Variants in VRK2 observed in about 807,000 individuals in gnomAD.
VRK2 encodes VRK serine/threonine kinase 2.
VRK2 carries 60 observed loss-of-function variants against 57.6 expected under a neutral mutation model. The observed-to-expected ratio is 1.04, with a 90% CI of 0.85 to 1.29. The LOEUF is 1.29. VRK2 is among the 50% of genes most tolerant of loss of function. The probability of loss-of-function intolerance (pLI) is 0.00; values close to 1 mark genes in which losing one functional copy is unlikely to be tolerated. For missense variants in VRK2, 705 were observed against 588.1 expected, an observed-to-expected ratio of 1.20 and a Z score of -2.06; for synonymous variants, 231 against 199.2, an observed-to-expected ratio of 1.16 and a Z score of -1.35.
At chr2:57,946,904 G>A (rs1431093082) in intron 1 of VRK2, among the ~76,000 whole-genome samples, 1 of 152,048 alleles carries the variant, frequency 6.6e-6, no homozygotes, top group Admixed American at 6.6e-5. Flanking sequence ...TGATCTATGA[G>A]CCAGAGGAAA....
At chr2:58,035,417 T>G (rs1370327036) in intron 3 of VRK2, among the ~76,000 whole-genome samples, 4 of 151,990 alleles carry the variant, frequency 2.6e-5, no homozygotes, top group South Asian at 4.1e-4. Context: ...GAGTTGGAAC[T>G]GGATTCCAGG....
intron 1 of VRK2, among the ~76,000 whole-genome samples, chr2:57,998,637 G>A (rs1672996681): frequency 6.6e-6 from 1 of 152,098 alleles, no homozygotes; most frequent in Non-Finnish European, 1.5e-5. Flanking sequence ...TTACTTTAAT[G>A]AACGGGCCTG....
chr2:58,157,500 G>T (rs149253962), intron 12 of VRK2, among the ~76,000 whole-genome samples: 1 of 152,044 alleles, frequency 6.6e-6, no homozygotes, highest in Non-Finnish European at 1.5e-5. Context: ...GTCCTCTGTG[G>T]GGCAGGATCA....
chr2:58,078,803 A>G (rs1199985438), intron 2 of VRK2, among the ~76,000 whole-genome samples: 7 of 152,110 alleles, frequency 4.6e-5, no homozygotes, highest in Non-Finnish European at 8.8e-5. Flanking sequence ...GGCCACTCGT[A>G]TGTATCTTTA....
chr2:58,139,820 A>G lies in VRK2; in HGVS notation c.1011A>G (p.Pro337=). 1 of 1,610,834 alleles carries G rather than the reference A, an allele frequency of 6.2e-7. No homozygotes were observed. The highest frequency in any genetic ancestry group is 1.1e-5 in the South Asian group (1 of 90,632). The change falls in exon 11 of 13, where the codon CCA becomes CCG. Residue 337 remains proline (P), a synonymous_variant. Transcript: ENST00000340157. ...TKGQSINVHT[P]NSQKVDSQKA... ...GACAGAGTATAAATGTCCATACTCC[A>G]AACAGTCAAAAAGTAAGTAACATAA...
At chr2:58,123,499 G>C (rs1309938162) in intron 8 of VRK2, among the ~76,000 whole-genome samples, 1 of 152,196 alleles carries the variant, frequency 6.6e-6, no homozygotes, top group African/African-American at 2.4e-5. Flanking sequence ...GAAAGCCACA[G>C]TTTGTATAGG....
At chr2:58,017,430 G>A (rs951354908) in intron 1 of VRK2, among the ~76,000 whole-genome samples, 1 of 152,140 alleles carries the variant, frequency 6.6e-6, no homozygotes, top group East Asian at 1.9e-4. Context: ...CATCATAACT[G>A]CCTAATCAGA....
upstream of VRK2, chr2:58,046,622 C>T (rs1037330581): frequency 2.0e-6 from 2 of 985,624 alleles, no homozygotes; most frequent in East Asian, 1.1e-4. Context: ...CCCTCTCCTT[C>T]CCCTGGGCGT....
chr2:57,978,941 T>C (rs1024475301), intron 1 of VRK2, among the ~76,000 whole-genome samples: 1 of 150,980 alleles, frequency 6.6e-6, no homozygotes, highest in Non-Finnish European at 1.5e-5. Flanking sequence ...GTGAAGATGA[T>C]GGCTTCCAGT....
intron 9 of VRK2, among the ~76,000 whole-genome samples, chr2:58,133,498 T>TC (rs1679515812): frequency 6.6e-6 from 1 of 152,208 alleles, no homozygotes; most frequent in Non-Finnish European, 1.5e-5. Context: ...ACACTGAAAT[T>TC]CCCCATAAGG....
At position 58,159,663 on chromosome 2, in the gene VRK2, G is replaced by A. The variant is rs560604367; in HGVS notation, c.1497G>A (p.Met499Ile). The A allele has an allele frequency of 1.9e-6, 3 of 1,613,162 alleles. No individual in the cohort carries two copies. The highest frequency in any genetic ancestry group is 1.1e-5 in the South Asian group (1 of 90,948). The change falls in exon 13 of 13, where the codon ATG becomes ATA. Residue 499 changes from methionine (M) to isoleucine (I), a missense_variant. Met to Ile is a conservative substitution (Grantham distance 10). Coordinates refer to ENST00000340157, the MANE Select transcript of VRK2 (RefSeq NM_006296.7). ...YYRIIIPVLL[M>I]LVFLALFFL Reference sequence around the variant, plus strand: ...GCATCATCATACCTGTCCTTTTGATGTTAGTATTTCTTGCTTTATTTTTTC... The same window carrying A: ...GCATCATCATACCTGTCCTTTTGATATTAGTATTTCTTGCTTTATTTTTTC...
rs577450493 is a variant in VRK2 at position 57,961,794 on chromosome 2, G to C, written c.-439+53955G>C. Among the ~76,000 whole-genome samples the C allele has an allele frequency of 2.3e-3, 343 of 152,280 alleles. 1 individual carries two copies. The highest frequency in any genetic ancestry group is 8.0e-3 in the African/African-American group (334 of 41,556). On this transcript the variant is annotated intron_variant, in intron 1 of 15. Coordinates refer to the VRK2 transcript ENST00000417641. ...TAGAGGCTCAGTCAAGAATATGTGT[G>C]GGCTGGGGGCAGTGGCTCACGCCTC... is the stretch of plus-strand genomic sequence containing the variant.
intron 1 of VRK2, among the ~76,000 whole-genome samples, chr2:57,998,383 T>C (rs995595555): frequency 2.6e-5 from 4 of 152,178 alleles, no homozygotes; most frequent in African/African-American, 9.6e-5. Flanking sequence ...TTAGTAGCAG[T>C]TTTTAAAAAT....
At chr2:58,009,614 A>G (rs1454706863) in intron 1 of VRK2, among the ~76,000 whole-genome samples, 2 of 150,988 alleles carry the variant, frequency 1.3e-5, no homozygotes, top group Non-Finnish European at 2.9e-5. Flanking sequence ...TTTAATTCCA[A>G]TGACTTGATT....
At position 58,088,386 on chromosome 2, in the gene VRK2, G is replaced by T. The variant is rs764697966; in HGVS notation, c.390G>T (p.Lys130Asn). ...AAAGACTAGGAATAGATTTACAGAA[G>T]ATCTCAGGCCAGAATGGTACCTTTA... ...VMERLGIDLQ[K>N]ISGQNGTFKK... is the part of the protein sequence containing the mutation. Residue 130 changes from lysine (K) to asparagine (N), a missense_variant, in exon 6 of 13, where the codon AAG becomes AAT. Lys to Asn is a moderately conservative substitution (Grantham distance 94). Transcript: ENST00000340157. The T allele has an allele frequency of 1.6e-5, 26 of 1,613,202 alleles. No homozygotes were observed. The highest frequency in any genetic ancestry group is 2.1e-5 in the Non-Finnish European group (25 of 1,179,620).
At chr2:58,019,472 T>C (rs754020666) in intron 1 of VRK2, among the ~76,000 whole-genome samples, 1 of 152,172 alleles carries the variant, frequency 6.6e-6, no homozygotes, top group Non-Finnish European at 1.5e-5. Context: ...GTAACTGCAG[T>C]GTATGATGAG....
chr2:58,051,815 G>A (rs1675789296), intron 2 of VRK2, among the ~76,000 whole-genome samples: 1 of 152,144 alleles, frequency 6.6e-6, no homozygotes. Context: ...GAGAAATAAT[G>A]TGCCTCTAGC....
chr2:58,084,683 G>A (rs558233926), intron 3 of VRK2, among the ~76,000 whole-genome samples, 198 bp from the exon 4 acceptor site: 10 of 151,872 alleles, frequency 6.6e-5, no homozygotes, highest in African/African-American at 2.2e-4. Context: ...ACAATATGTC[G>A]TTTAAAAATT....
chr2:57,960,220 T>C (rs915173877), intron 1 of VRK2, among the ~76,000 whole-genome samples: 1 of 152,178 alleles, frequency 6.6e-6, no homozygotes, highest in Admixed American at 6.6e-5. Context: ...AGTGCAGATC[T>C]GAATATATTT....
Sources: gnomAD v4.1 joint callset for allele counts (sites outside exome capture counted in the v4.1 genomes callset) on GRCh38, gnomAD v4.1.1 for gene constraint, MANE v1.5 for transcripts, NCBI Gene and HGNC (gene_info 2026-07-23, HGNC 2026-07-21) for gene names.